The following CDK6 variants were observed in gnomAD, a reference collection of about 807,000 sequenced individuals.
CDK6 encodes the protein cyclin-dependent kinase 6.
Under a neutral mutation model 37.1 loss-of-function variants are expected in CDK6, and 6 were observed. The observed-to-expected ratio is 0.16, with a 90% confidence interval of 0.09 to 0.32. The LOEUF is 0.32. Among genes scored for constraint, CDK6 ranks in the 10% least tolerant of loss-of-function variants. CDK6 has a pLI of 1.00. For missense variants in CDK6, 224 were observed against 418.9 expected (o/e 0.53, Z 4.06); for synonymous variants, 160 against 161.3 (o/e 0.99, Z 0.06).
At chr7:92,632,931 ATC>A (rs1796085965) in intron 5 of CDK6, among the ~76,000 whole-genome samples, 1 of 137,138 alleles carries the variant, frequency 7.3e-6, no homozygotes, top group African/African-American at 2.7e-5. Context: ...ATCTCTAAAG[ATC>A]TTTTTTTTTT....
At chr7:92,767,374 G>A (rs764746979) in intron 3 of CDK6, among the ~76,000 whole-genome samples, 3 of 152,120 alleles carry the variant, frequency 2.0e-5, no homozygotes, top group Non-Finnish European at 4.4e-5. Context: ...AGCACAATAT[G>A]TATGTTCCTG....
intron 4 of CDK6, among the ~76,000 whole-genome samples, chr7:92,688,239 G>A (rs544743458): frequency 3.9e-5 from 6 of 152,170 alleles, no homozygotes; most frequent in African/African-American, 9.6e-5. Context: ...CAGTTTCTCC[G>A]CATCTTGGCC....
intron 3 of CDK6, among the ~76,000 whole-genome samples, chr7:92,742,983 A>C (rs184719380): frequency 9.4e-4 from 143 of 151,822 alleles, no homozygotes; most frequent in Middle Eastern, 6.8e-3. Context: ...TTGTCTCTCT[A>C]TATTTTTTTA....
chr7:92,715,439 CCT>C (rs1798207645), intron 4 of CDK6, among the ~76,000 whole-genome samples: 1 of 152,032 alleles, frequency 6.6e-6, no homozygotes, highest in Admixed American at 6.6e-5. Context: ...TGGATGTTTC[CCT>C]GAGATTTGAA....
chr7:92,810,705 T>C (rs1800858057), intron 2 of CDK6, among the ~76,000 whole-genome samples: 1 of 152,154 alleles, frequency 6.6e-6, no homozygotes, highest in African/African-American at 2.4e-5. Context: ...GGAAGTGACA[T>C]AAGAAGATAA....
At chr7:92,711,448 T>C (rs904140847) in intron 4 of CDK6, among the ~76,000 whole-genome samples, 3 of 150,766 alleles carry the variant, frequency 2.0e-5, no homozygotes, top group South Asian at 4.2e-4. Flanking sequence ...TAGCAAAAAA[T>C]ATAAAAGTTC....
At chr7:92,670,068 GA>G (rs1296706825) in intron 5 of CDK6, among the ~76,000 whole-genome samples, 1 of 152,086 alleles carries the variant, frequency 6.6e-6, no homozygotes, top group Non-Finnish European at 1.5e-5. Flanking sequence ...CGCTCCTTGG[GA>G]AAAAAGCAAC....
intron 2 of CDK6, among the ~76,000 whole-genome samples, chr7:92,785,655 A>G (rs1489372157): frequency 6.6e-6 from 1 of 152,180 alleles, no homozygotes; most frequent in African/African-American, 2.4e-5. Context: ...CTTTGAAATC[A>G]GACTGTCTGG....
At position 92,819,986 on chromosome 7, in the gene CDK6, TA is replaced by T. The variant is rs888959382; in HGVS notation, c.233+13104del. Among the ~76,000 whole-genome samples the T allele has an allele frequency of 2.4e-4, 37 of 151,268 alleles. No homozygotes were observed. The South Asian group carries it at 3.8e-3, about 15-fold the overall frequency. ...GAACAAATGATGAAGAAGCAGCCAT[TA>T]AAAAAAATAAAACGAAGCAAATCTG... On this transcript the variant is annotated intron_variant, in intron 2 of 7. Transcript: ENST00000424848.
chr7:92,795,131 A>T (rs909185647), intron 2 of CDK6, among the ~76,000 whole-genome samples: 2 of 152,126 alleles, frequency 1.3e-5, no homozygotes, highest in African/African-American at 4.8e-5. Flanking sequence ...TTTCCTAAAG[A>T]GCAAGTCTCT....
chr7:92,803,873 G>T (rs968299054), intron 2 of CDK6, among the ~76,000 whole-genome samples: 3 of 152,144 alleles, frequency 2.0e-5, no homozygotes, highest in African/African-American at 7.2e-5. Flanking sequence ...TGACAAGTAG[G>T]ATAAATTAAT....
At chr7:92,738,456 A>G (rs983206277) in intron 3 of CDK6, among the ~76,000 whole-genome samples, 3 of 152,126 alleles carry the variant, frequency 2.0e-5, no homozygotes, top group Non-Finnish European at 4.4e-5. Context: ...CCTGACCAAC[A>G]TGGTAAAATC....
At chr7:92,643,172 C>G (rs919307731) in intron 5 of CDK6, among the ~76,000 whole-genome samples, 3 of 152,174 alleles carry the variant, frequency 2.0e-5, no homozygotes, top group Non-Finnish European at 4.4e-5. Flanking sequence ...CAGGCTTGAG[C>G]CACCACGCCC....
At chr7:92,738,953 C>G (rs111229030) in intron 3 of CDK6, among the ~76,000 whole-genome samples, 2,503 of 152,180 alleles carry the variant, frequency 0.016, 79 homozygotes, top group African/African-American at 0.058. Flanking sequence ...TTTTCTTATA[C>G]TGGTCCTCTA....
At position 92,771,572 on chromosome 7, in the gene CDK6, A is replaced by G. The variant is rs548059447; in HGVS notation, c.369+3124T>C. Among the ~76,000 whole-genome samples the G allele has an allele frequency of 2.8e-4, 43 of 152,338 alleles. No homozygotes were observed. The South Asian group carries it at 8.7e-3, about 31-fold the overall frequency. On this transcript the variant is annotated intron_variant, in intron 3 of 7. Coordinates refer to ENST00000424848, the MANE Select transcript of CDK6 (RefSeq NM_001145306.2). Reference sequence around the variant, plus strand: ...CCCTAAACTACTTAAATAACCATACAGAATGTGTACCACAGGCTTGTGTTT... The same window carrying G: ...CCCTAAACTACTTAAATAACCATACGGAATGTGTACCACAGGCTTGTGTTT...
Position 92,717,178 on chromosome 7 carries a change from TA to T in CDK6, c.537+8447del, listed in dbSNP as rs547680224. On this transcript the variant is annotated intron_variant, in intron 4 of 7. Coordinates refer to ENST00000424848, the MANE Select transcript of CDK6 (RefSeq NM_001145306.2). The stretch of plus-strand genomic sequence containing the variant: ...GCAACATAATGAGACCCCCATCTCT[TA>T]AAAAAAAAAAGAACGTAGCTGGGCG... 1.8e-3 allele frequency among the ~76,000 whole-genome samples: 255 copies of T among 144,930 alleles called. 1 individual carries two copies. The highest frequency in any genetic ancestry group is 3.3e-3 in the African/African-American group (130 of 39,852).
At chr7:92,790,859 A>C (rs1379813574) in intron 2 of CDK6, among the ~76,000 whole-genome samples, 2 of 152,200 alleles carry the variant, frequency 1.3e-5, no homozygotes, top group Non-Finnish European at 1.5e-5. Context: ...AAGAAAGGGC[A>C]CTTGAAACCA....
In CDK6 at chr7:92,608,200, G is replaced by C. The variant is rs1429790862; in HGVS notation, c.*6940C>G. 4.3e-6 allele frequency: 1 copy of C among 232,172 alleles called. No homozygotes were observed. The highest frequency in any genetic ancestry group is 5.6e-5 in the Admixed American group (1 of 17,742). 14.4% of individuals were successfully genotyped at this position (232,172 alleles called of 1,614,324 possible). A position where few individuals can be genotyped will look rare whatever the true frequency, so the allele number is the denominator to read the frequency against. ...CATAGTTCTTGGCAGTCAATATGTA[G>C]TTATATGCCCCCTTTGAGAAAAACC... On this transcript the variant is annotated 3_prime_UTR_variant, in exon 8 of 8. Coordinates refer to ENST00000424848, the MANE Select transcript of CDK6 (RefSeq NM_001145306.2).
intron 3 of CDK6, among the ~76,000 whole-genome samples, chr7:92,746,945 T>C: frequency 6.6e-6 from 1 of 152,152 alleles, no homozygotes; most frequent in East Asian, 1.9e-4. Flanking sequence ...TTGTATTTTG[T>C]AGAATCTATC....
Sources: gnomAD v4.1 joint callset for allele counts (sites outside exome capture counted in the v4.1 genomes callset) on GRCh38, gnomAD v4.1.1 for gene constraint, MANE v1.5 for transcripts, NCBI Gene and HGNC (gene_info 2026-07-23, HGNC 2026-07-21) for gene names.